Variants in RNF216 observed in about 807,000 individuals in gnomAD.
RNF216 encodes the protein ring finger protein 216, also known as E3 ubiquitin-protein ligase RNF216.
A neutral mutation model predicts 110.8 loss-of-function variants in RNF216; 72 were observed. The observed-to-expected ratio is 0.65, with a 90% CI of 0.54 to 0.79. The LOEUF is 0.79. RNF216 is among the 30% of genes least tolerant of loss of function. RNF216 has a pLI of 0.00. For synonymous variants in RNF216, 495 were observed against 407.5 expected (o/e 1.21, Z -2.59); for missense variants, 1,342 against 1,141.2 (o/e 1.18, Z -2.54).
intron 5 of RNF216, among the ~76,000 whole-genome samples, chr7:5,733,663 CAA>C (rs75175715): frequency 7.5e-4 from 85 of 113,750 alleles, no homozygotes; most frequent in Non-Finnish European, 1.0e-3. Context: ...AAACATTAAC[CAA>C]AAAAAAAAAA....
intron 7 of RNF216, among the ~76,000 whole-genome samples, chr7:5,727,601 G>A (rs1024062653): frequency 2.0e-5 from 3 of 152,110 alleles, no homozygotes; most frequent in African/African-American, 7.2e-5. Context: ...GTGTGGTGGC[G>A]TGCACCTGTA....
At chr7:5,675,300 A>AGAGGGGACAGGCTTT (rs1790210255) in intron 13 of RNF216, among the ~76,000 whole-genome samples, 1 of 152,174 alleles carries the variant, frequency 6.6e-6, no homozygotes, top group Non-Finnish European at 1.5e-5. Flanking sequence ...TAGAAGCCCC[A>AGAGGGGACAGGCTTT]GAGGGGACAG....
At chr7:5,677,334 A>C (rs1188545811) in intron 13 of RNF216, among the ~76,000 whole-genome samples, 2 of 152,168 alleles carry the variant, frequency 1.3e-5, no homozygotes, top group Non-Finnish European at 2.9e-5. Flanking sequence ...TGCGTTCACT[A>C]AAGGTGGGCA....
chr7:5,760,953 T>G (rs138647737), intron 2 of RNF216, 50 bp downstream of exon 2: 3 of 1,422,910 alleles, frequency 2.1e-6, no homozygotes, highest in Non-Finnish European at 2.0e-6. Context: ...GCTGTGATAC[T>G]AAAAGAAAAA....
chr7:5,750,415 A>G (rs1460890620), intron 3 of RNF216, among the ~76,000 whole-genome samples: 3 of 152,234 alleles, frequency 2.0e-5, no homozygotes, highest in Admixed American at 6.5e-5. Context: ...AGTCAGGCAA[A>G]CTGGTCTTAC....
intron 13 of RNF216, among the ~76,000 whole-genome samples, chr7:5,676,504 T>G (rs778818672): frequency 9.9e-5 from 15 of 152,184 alleles, no homozygotes; most frequent in Non-Finnish European, 2.1e-4. Context: ...CATTGAGTAC[T>G]CAGGCCAAGC....
chr7:5,646,679 G>T (rs1274904795), intron 14 of RNF216, among the ~76,000 whole-genome samples: 3 of 149,918 alleles, frequency 2.0e-5, no homozygotes, highest in African/African-American at 7.5e-5. Flanking sequence ...GCGACAGAGC[G>T]AGACTCCATC....
chr7:5,683,516 C>T (rs1790786285), intron 13 of RNF216, among the ~76,000 whole-genome samples: 1 of 152,162 alleles, frequency 6.6e-6, no homozygotes, highest in South Asian at 2.1e-4. Context: ...AGGCCACAGG[C>T]ACATAGCATC....
intron 14 of RNF216, among the ~76,000 whole-genome samples, chr7:5,651,799 C>A (rs1193323288): frequency 6.6e-6 from 1 of 152,156 alleles, no homozygotes; most frequent in Non-Finnish European, 1.5e-5. Context: ...CAGGCAAGCG[C>A]CACCATACCC....
At chr7:5,641,045 A>C in intron 15 of RNF216, 109 bp downstream of exon 15, 1 of 863,238 alleles carries the variant, frequency 1.2e-6, no homozygotes, top group Non-Finnish European at 1.8e-6. Context: ...GTAATTTCCT[A>C]TATTCTTCTC....
chr7:5,645,081 C>T (rs1787976021), intron 14 of RNF216, among the ~76,000 whole-genome samples: 1 of 151,660 alleles, frequency 6.6e-6, no homozygotes, highest in South Asian at 2.1e-4. Context: ...TCCCAAAGTA[C>T]TGGGATTACA....
intron 15 of RNF216, among the ~76,000 whole-genome samples, chr7:5,626,722 G>C (rs1027328698): frequency 6.6e-6 from 1 of 152,086 alleles, no homozygotes; most frequent in Admixed American, 6.6e-5. Flanking sequence ...TGCAGCAGGA[G>C]GGCCGTGGGC....
At chr7:5,637,238 A>AGCACTTCCCACTGTGGGCT (rs2128563594) in intron 15 of RNF216, among the ~76,000 whole-genome samples, 1 of 152,276 alleles carries the variant, frequency 6.6e-6, no homozygotes, top group Admixed American at 6.5e-5. Context: ...CTGCCTTGTG[A>AGCACTTCCCACTGTGGGCT]GCACTTCCCA....
At chr7:5,767,602 ATT>A (rs10709023) in intron 1 of RNF216, among the ~76,000 whole-genome samples, 212 of 143,672 alleles carry the variant, frequency 1.5e-3, no homozygotes, top group South Asian at 4.5e-3. Context: ...GTTGAGAGGG[ATT>A]TTTTTTTTTT....
Position 5,622,686 on chromosome 7 carries a change from C to A in RNF216, c.*174G>T, listed in dbSNP as rs1483301390. ...ATTTGGGACGTCTTTATTATGGATCCGTCCACTCTTCCAGGAGCAGTAGCC... is the reference window on the plus strand; with the variant it reads ...ATTTGGGACGTCTTTATTATGGATCAGTCCACTCTTCCAGGAGCAGTAGCC... On this transcript the variant is annotated 3_prime_UTR_variant, in exon 17 of 17. Coordinates refer to ENST00000389902, the MANE Select transcript of RNF216 (RefSeq NM_207111.4). The A allele has an allele frequency of 6.2e-6, 4 of 646,646 alleles. No homozygotes were observed. 40.1% of individuals were successfully genotyped at this position (646,646 alleles called of 1,614,324 possible). A position where few individuals can be genotyped will look rare whatever the true frequency, so the allele number is the denominator to read the frequency against.
intron 5 of RNF216, among the ~76,000 whole-genome samples, chr7:5,737,522 AAAT>A (rs112378505): frequency 0.82 from 122,061 of 148,538 alleles, 51,197 homozygotes; most frequent in East Asian, 0.97. Flanking sequence ...GATCAATTAA[AAAT>A]AATAATAATA....
intron 10 of RNF216, among the ~76,000 whole-genome samples, chr7:5,716,046 C>A (rs777540795): frequency 6.6e-6 from 1 of 152,010 alleles, no homozygotes; most frequent in Admixed American, 6.6e-5. Context: ...CAGCCCCATT[C>A]TTTTATTTAT....
chr7:5,780,688 G>C (rs1411317644), intron 1 of RNF216, among the ~76,000 whole-genome samples: 1 of 151,488 alleles, frequency 6.6e-6, no homozygotes, highest in Non-Finnish European at 1.5e-5. Context: ...CTGGGCAACA[G>C]AGCAAGACTC....
At chr7:5,709,638 A>G (rs1005784454) in intron 13 of RNF216, among the ~76,000 whole-genome samples, 8 of 152,180 alleles carry the variant, frequency 5.3e-5, no homozygotes, top group Non-Finnish European at 1.2e-4. Flanking sequence ...AAACAAAAAC[A>G]TATGTGGTGT....
Sources: gnomAD v4.1 joint callset for allele counts (sites outside exome capture counted in the v4.1 genomes callset) on GRCh38, gnomAD v4.1.1 for gene constraint, MANE v1.5 for transcripts, NCBI Gene and HGNC (gene_info 2026-07-23, HGNC 2026-07-21) for gene names.